The following DPH6 variants were observed in gnomAD, a reference collection of about 807,000 sequenced individuals.
The protein encoded by DPH6 is diphthine--ammonia ligase.
Under a neutral mutation model 38.2 loss-of-function variants are expected in DPH6, and 33 were observed. The ratio of observed to expected loss-of-function variants is 0.86; its 90% CI spans 0.65 to 1.15. DPH6 has a LOEUF of 1.15. Ranked by LOEUF, DPH6 falls within the 50% of genes most tolerant of loss-of-function variation. The probability of loss-of-function intolerance (pLI) is 0.00; values close to 1 mark genes in which losing one functional copy is unlikely to be tolerated. For missense variants in DPH6, 325 were observed against 320.0 expected (o/e 1.02, Z -0.12); for synonymous variants, 108 against 103.0 (o/e 1.05, Z -0.30).
intron 3 of DPH6, among the ~76,000 whole-genome samples, chr15:35,501,557 T>C (rs1033027227): frequency 3.9e-5 from 6 of 152,188 alleles, no homozygotes; most frequent in African/African-American, 1.4e-4. Context: ...AGAAAAATTT[T>C]AGGAGTCATT....
At chr15:35,182,220 A>ATTTTTTTTTTTTTTTT in the DPH6 span, among the ~76,000 whole-genome samples, 3 of 86,012 alleles carry the variant, frequency 3.5e-5, no homozygotes, top group African/African-American at 3.9e-5. Flanking sequence ...AACTCTAAGA[A>ATTTTTTTTTTTTTTTT]TTTTTTTTTT....
At chr15:35,279,063 AAAAAAATAT>A (rs1378771151) in intron 3 of DPH6, among the ~76,000 whole-genome samples, 198 of 131,334 alleles carry the variant, frequency 1.5e-3, no homozygotes, top group African/African-American at 5.8e-3. Flanking sequence ...AAAAAAAAAA[AAAAAAATAT>A]ATATATATAT....
the DPH6 span, among the ~76,000 whole-genome samples, chr15:35,178,251 A>G: frequency 6.6e-6 from 1 of 152,218 alleles, no homozygotes; most frequent in African/African-American, 2.4e-5. Context: ...CTGTTCTCAC[A>G]CTGCTAACAA....
At chr15:35,508,492 A>G (rs1460017040) in intron 3 of DPH6, among the ~76,000 whole-genome samples, 1 of 152,148 alleles carries the variant, frequency 6.6e-6, no homozygotes, top group Non-Finnish European at 1.5e-5. Flanking sequence ...TCAAAAAACC[A>G]TATTTGTACA....
intron 3 of DPH6, among the ~76,000 whole-genome samples, chr15:35,456,486 TTTA>T (rs1404384506): frequency 0.024 from 3,612 of 148,258 alleles, 148 homozygotes; most frequent in African/African-American, 0.083. Context: ...TATTTATTTA[TTTA>T]TTATTATTTT....
intron 3 of DPH6, among the ~76,000 whole-genome samples, chr15:35,311,374 C>T (rs60326226): frequency 0.064 from 9,686 of 152,148 alleles, 986 homozygotes; most frequent in African/African-American, 0.22. Context: ...TTATACAGTA[C>T]CATCTTTGAA....
chr15:35,300,683 A>G (rs572971444), intron 3 of DPH6, among the ~76,000 whole-genome samples: 4 of 152,338 alleles, frequency 2.6e-5, no homozygotes, highest in African/African-American at 9.6e-5. Context: ...CTTTCACCCC[A>G]TATGGTAAGT....
At chr15:35,367,194 C>T (rs1390130987), downstream of DPH6, among the ~76,000 whole-genome samples, 1 of 151,640 alleles carries the variant, frequency 6.6e-6, no homozygotes, top group Non-Finnish European at 1.5e-5. Flanking sequence ...TTATAGGATA[C>T]ATTAGTACTT....
intron 3 of DPH6, among the ~76,000 whole-genome samples, chr15:35,460,679 T>C (rs926762060): frequency 9.9e-5 from 15 of 152,174 alleles, no homozygotes; most frequent in African/African-American, 3.6e-4. Context: ...TTTGTAAATA[T>C]CGGACATTAA....
intron 3 of DPH6, among the ~76,000 whole-genome samples, chr15:35,492,420 A>G (rs1297183312): frequency 6.6e-6 from 1 of 152,186 alleles, no homozygotes; most frequent in African/African-American, 2.4e-5. Flanking sequence ...AGCCATGAGA[A>G]TATCTACCAG....
intron 3 of DPH6, among the ~76,000 whole-genome samples, chr15:35,468,992 C>T (rs769813800): frequency 2.6e-5 from 4 of 151,988 alleles, no homozygotes; most frequent in African/African-American, 9.7e-5. Flanking sequence ...CGCTTGAATC[C>T]GGGAGGCGGA....
At chr15:35,251,247 T>C (rs1304782968) in intron 3 of DPH6, among the ~76,000 whole-genome samples, 2 of 152,224 alleles carry the variant, frequency 1.3e-5, no homozygotes, top group South Asian at 4.1e-4. Flanking sequence ...AAGTGCAGGT[T>C]TGTTACACGA....
chr15:35,377,543 A>G (rs988274822), intron 7 of DPH6, among the ~76,000 whole-genome samples: 6 of 152,264 alleles, frequency 3.9e-5, no homozygotes, highest in East Asian at 1.9e-4. Flanking sequence ...AAAATAAGTA[A>G]TAAGAGAGCA....
chr15:35,285,411 C>T (rs576439804), intron 3 of DPH6, among the ~76,000 whole-genome samples: 20 of 152,170 alleles, frequency 1.3e-4, no homozygotes, highest in East Asian at 7.8e-4. Flanking sequence ...ATAAGTCTCA[C>T]GAGATCTGAT....
downstream of DPH6, chr15:35,217,295 CA>C (rs2051415938): frequency 6.6e-6 from 1 of 152,114 alleles, no homozygotes; most frequent in Non-Finnish European, 1.5e-5. Context: ...AGCAAATATC[CA>C]ATCTCCTATG....
At chr15:35,419,622 T>C (rs1362653775) in intron 5 of DPH6, among the ~76,000 whole-genome samples, 1 of 151,768 alleles carries the variant, frequency 6.6e-6, no homozygotes, top group Non-Finnish European at 1.5e-5. Context: ...TCCATGCAAA[T>C]AGAAACAAAA....
At chr15:35,268,248 G>C in intron 3 of DPH6, among the ~76,000 whole-genome samples, 1 of 151,492 alleles carries the variant, frequency 6.6e-6, no homozygotes, top group Non-Finnish European at 1.5e-5. Flanking sequence ...GAGCAAGAGT[G>C]TATCATTAAT....
chr15:35,420,343 A>G (rs947179655), intron 5 of DPH6, among the ~76,000 whole-genome samples: 4 of 152,048 alleles, frequency 2.6e-5, no homozygotes, highest in Non-Finnish European at 5.9e-5. Context: ...TACATCAAAA[A>G]GGAAGAAGGA....
chr15:35,298,950 T>C, intron 3 of DPH6: 2 of 785,334 alleles, frequency 2.5e-6, no homozygotes, highest in Admixed American at 3.4e-5. Context: ...CATACTTGTT[T>C]TCCTCTTCTC....
Sources: gnomAD v4.1 joint callset for allele counts (sites outside exome capture counted in the v4.1 genomes callset) on GRCh38, gnomAD v4.1.1 for gene constraint, MANE v1.5 for transcripts, NCBI Gene and HGNC (gene_info 2026-07-23, HGNC 2026-07-21) for gene names.